Variants in ESRRG observed in about 807,000 individuals in gnomAD.
ESRRG encodes estrogen-related receptor gamma.
In ESRRG, 13 loss-of-function variants were observed where a neutral mutation model predicts 44.0. The observed-to-expected ratio is 0.30, with a 90% confidence interval of 0.19 to 0.47. ESRRG has a LOEUF of 0.47. ESRRG is among the 20% of genes least tolerant of loss of function. The pLI is 1.00. For missense variants in ESRRG, 395 were observed against 580.6 expected, an observed-to-expected ratio of 0.68 and a Z score of 3.29; for synonymous variants, 215 against 214.6, an observed-to-expected ratio of 1.00 and a Z score of -0.02.
intron 2 of ESRRG, among the ~76,000 whole-genome samples, chr1:216,935,561 C>T (rs935787736): frequency 6.6e-6 from 1 of 152,012 alleles, no homozygotes; most frequent in Non-Finnish European, 1.5e-5. Context: ...CAGAAGCTCC[C>T]CATGTTCAGC....
rs2058752693 is a variant in ESRRG at position 216,561,617 on chromosome 1, T to C, written c.862+2602A>G. ...TAGTGTGGTCCTCTACTGACCAACC[T>C]CCTGAACCCAGGGTAAGGCAGCACA... On this transcript the variant is annotated intron_variant, in intron 5 of 6. Coordinates refer to ENST00000408911, the MANE Select transcript of ESRRG (RefSeq NM_001438.4). Among the ~76,000 whole-genome samples, 4 of 152,150 alleles carry C rather than the reference T, an allele frequency of 2.6e-5. No individual in the cohort carries two copies. The South Asian group carries it at 8.3e-4, about 32-fold the overall frequency.
chr1:216,611,211 CAAAAAAA>C lies in ESRRG; in HGVS notation c.589+39755_589+39761del, dbSNP rs397861468. ...AGAGCCAAAAGTGAAACTCCGTCCT[CAAAAAAA>C]AAAAAAAAAAAAAAAAAAATCATCT... is the stretch of plus-strand genomic sequence containing the variant. On this transcript the variant is annotated intron_variant, in intron 3 of 6. Transcript: ENST00000408911. 4.3e-4 allele frequency among the ~76,000 whole-genome samples: 26 copies of C among 60,438 alleles called. 1 individual carries two copies. The highest frequency in any genetic ancestry group is 1.3e-3 in the African/African-American group (16 of 12,180). 39.6% of individuals were successfully genotyped at this position (60,438 alleles called of 152,430 possible).
At chr1:216,601,521 A>T (rs909323916) in intron 3 of ESRRG, among the ~76,000 whole-genome samples, 1 of 152,206 alleles carries the variant, frequency 6.6e-6, no homozygotes, top group Non-Finnish European at 1.5e-5. Context: ...GTTATGACAG[A>T]GGAAGAAGAC....
chr1:216,656,457 A>T (rs2070611299), intron 2 of ESRRG, among the ~76,000 whole-genome samples: 1 of 152,164 alleles, frequency 6.6e-6, no homozygotes, highest in Admixed American at 6.6e-5. Flanking sequence ...CTTATTTCAG[A>T]GTCTTTTGTG....
In ESRRG at chr1:216,568,043, A is replaced by T; in HGVS notation, c.645T>A (p.Asp215Glu). ...GGTTCAGGTATGGGCTGTTCTCCGC[A>T]TCTATCCTGCGCTTGTACTTCTGCC... ...GGRQKYKRRI[D>E]AENSPYLNPQ... is the part of the protein sequence containing the mutation. The change falls in exon 4 of 7, where the codon GAT becomes GAA. Residue 215 changes from aspartate to glutamate, a missense_variant. Asp to Glu is a conservative substitution (Grantham distance 45, BLOSUM62 2). Coordinates refer to ENST00000408911, the MANE Select transcript of ESRRG (RefSeq NM_001438.4). 6.2e-7 allele frequency: 1 copy of T among 1,613,918 alleles called. No homozygotes were observed.
At chr1:217,101,426 T>C (rs1397922571) in intron 1 of ESRRG, among the ~76,000 whole-genome samples, 1 of 152,232 alleles carries the variant, frequency 6.6e-6, no homozygotes, top group Non-Finnish European at 1.5e-5. Flanking sequence ...GTGTTAATGA[T>C]CCTTAAATCA....
chr1:216,675,295 G>A (rs923984117), intron 2 of ESRRG, among the ~76,000 whole-genome samples: 8 of 151,950 alleles, frequency 5.3e-5, no homozygotes, highest in African/African-American at 1.9e-4. Context: ...AGGAGATGTA[G>A]GTTGCAGTGA....
At chr1:216,809,156 AT>A (rs1177514136) in intron 2 of ESRRG, among the ~76,000 whole-genome samples, 1 of 152,136 alleles carries the variant, frequency 6.6e-6, no homozygotes, top group Non-Finnish European at 1.5e-5. Context: ...AATGTTAGTG[AT>A]AAGTCAAGAA....
At chr1:216,527,160 G>A (rs986581821) in intron 5 of ESRRG, among the ~76,000 whole-genome samples, 4 of 152,132 alleles carry the variant, frequency 2.6e-5, no homozygotes, top group Non-Finnish European at 4.4e-5. Flanking sequence ...AGTATTGCAA[G>A]GATGGATCCA....
At chr1:216,727,276 C>T (rs1309511588), upstream of ESRRG, among the ~76,000 whole-genome samples, 1 of 152,114 alleles carries the variant, frequency 6.6e-6, no homozygotes, top group Non-Finnish European at 1.5e-5. Context: ...GAACTATTTT[C>T]CCTGCTGTTT....
intron 2 of ESRRG, among the ~76,000 whole-genome samples, chr1:216,857,078 G>C (rs1355276808): frequency 1.3e-5 from 2 of 151,964 alleles, no homozygotes. Context: ...AATGCCAGTG[G>C]AACTCCTTCT....
chr1:216,709,169 C>T (rs1447349270), intron 1 of ESRRG, among the ~76,000 whole-genome samples: 2 of 151,736 alleles, frequency 1.3e-5, no homozygotes, highest in African/African-American at 4.8e-5. Context: ...ACCTATGTAA[C>T]AAAACTGCAA....
chr1:216,564,285 T>C lies in ESRRG; in HGVS notation c.796A>G (p.Thr266Ala), dbSNP rs747209048. ...CGGTCGGCCAAGTCACACAGTGTAG[T>C]GAGGGCTTTGATGTCACTGTCGGGG... ...TVPDSDIKAL[T>A]TLCDLADREL... Residue 266 changes from threonine to alanine, a missense_variant, in exon 5 of 7, where the codon ACT becomes GCT. By Grantham distance (58) the Thr-to-Ala change is moderately conservative. Transcript: ENST00000408911. 6.2e-7 allele frequency: 1 copy of C among 1,612,150 alleles called. No homozygotes were observed. The highest frequency in any genetic ancestry group is 1.1e-5 in the South Asian group (1 of 90,874).
chr1:216,582,878 T>C (rs2149835791), intron 3 of ESRRG, among the ~76,000 whole-genome samples: 1 of 152,224 alleles, frequency 6.6e-6, no homozygotes, highest in South Asian at 2.1e-4. Context: ...AGGAATTCGG[T>C]TTTAATAGTG....
At chr1:216,931,838 A>C (rs1235310734) in intron 2 of ESRRG, among the ~76,000 whole-genome samples, 1 of 150,156 alleles carries the variant, frequency 6.7e-6, no homozygotes, top group Non-Finnish European at 1.5e-5. Flanking sequence ...GAAACCACAA[A>C]AAAAAAAAAA....
chr1:216,707,661 T>C (rs571492792), intron 1 of ESRRG, among the ~76,000 whole-genome samples: 2 of 152,324 alleles, frequency 1.3e-5, no homozygotes, highest in African/African-American at 4.8e-5. Flanking sequence ...TCACATATTT[T>C]TATCATTCAT....
At chr1:217,051,914 C>A in intron 1 of ESRRG, among the ~76,000 whole-genome samples, 1 of 152,068 alleles carries the variant, frequency 6.6e-6, no homozygotes, top group Non-Finnish European at 1.5e-5. Context: ...CAGGCTCACA[C>A]CACCACACCC....
Position 216,953,110 on chromosome 1 carries a change from G to A in ESRRG, c.-105-13437C>T, listed in dbSNP as rs540725766. On this transcript the variant is annotated intron_variant, in intron 1 of 7. Transcript: ENST00000359162. ...AGCTTTTCTGACAGCCAGTCGAAAT[G>A]GTAGCTACAATGACCAGGGGATGGC... Among the ~76,000 whole-genome samples the A allele has an allele frequency of 5.9e-5, 9 of 152,202 alleles. No individual in the cohort carries two copies. The South Asian group carries it at 1.9e-3, about 32-fold the overall frequency.
intron 2 of ESRRG, among the ~76,000 whole-genome samples, chr1:216,662,282 A>T (rs1298905327): frequency 4.6e-5 from 7 of 152,176 alleles, no homozygotes; most frequent in African/African-American, 1.4e-4. Flanking sequence ...GCCAAAAGAC[A>T]AAGAACTGAT....
Sources: gnomAD v4.1 joint callset for allele counts (sites outside exome capture counted in the v4.1 genomes callset) on GRCh38, gnomAD v4.1.1 for gene constraint, MANE v1.5 for transcripts, NCBI Gene and HGNC (gene_info 2026-07-23, HGNC 2026-07-21) for gene names.